The following NEGR1 variants were observed in gnomAD, a reference collection of about 807,000 sequenced individuals.
NEGR1 encodes IgLON family member 4.
Under a neutral mutation model 40.9 loss-of-function variants are expected in NEGR1, and 10 were observed. That is an observed-to-expected ratio of 0.24 (90% CI 0.15 to 0.42). The LOEUF is 0.42. Ranked by LOEUF, NEGR1 falls within the 10% of genes least tolerant of loss-of-function variation. NEGR1 has a pLI of 1.00. For missense variants in NEGR1, 352 were observed against 438.9 expected, an observed-to-expected ratio of 0.80 and a Z score of 1.77; for synonymous variants, 185 against 166.8, an observed-to-expected ratio of 1.11 and a Z score of -0.84.
intron 2 of NEGR1, among the ~76,000 whole-genome samples, chr1:71,845,006 A>G (rs942576011): frequency 1.3e-5 from 2 of 152,220 alleles, no homozygotes; most frequent in Admixed American, 1.3e-4. Context: ...ATGTTTTCTT[A>G]GTATGAGTTA....
chr1:72,216,385 AT>A (rs1653813505), intron 1 of NEGR1, among the ~76,000 whole-genome samples: 2 of 32,654 alleles, frequency 6.1e-5, no homozygotes, highest in African/African-American at 4.9e-4. Flanking sequence ...ATATATATAC[AT>A]ATATATATAT....
At chr1:71,651,885 C>A (rs1651729905) in intron 4 of NEGR1, among the ~76,000 whole-genome samples, 1 of 151,624 alleles carries the variant, frequency 6.6e-6, no homozygotes, top group African/African-American at 2.4e-5. Flanking sequence ...TTTGTTTCAA[C>A]TTTCCATACT....
At chr1:71,839,091 T>C (rs1337670694) in intron 2 of NEGR1, among the ~76,000 whole-genome samples, 1 of 150,140 alleles carries the variant, frequency 6.7e-6, no homozygotes, top group Non-Finnish European at 1.5e-5. Context: ...AAAACTTCTA[T>C]GATCATCAGA....
At chr1:72,016,485 A>G (rs1052309318) in intron 1 of NEGR1, among the ~76,000 whole-genome samples, 1 of 152,176 alleles carries the variant, frequency 6.6e-6, no homozygotes, top group African/African-American at 2.4e-5. Context: ...AAAGGACCAG[A>G]CAACCACCCA....
At chr1:72,022,148 T>A (rs2100422110) in intron 1 of NEGR1, among the ~76,000 whole-genome samples, 1 of 150,638 alleles carries the variant, frequency 6.6e-6, no homozygotes, top group South Asian at 2.1e-4. Flanking sequence ...AAAATAAAAA[T>A]AAAAAAGAAT....
chr1:71,656,169 C>CTGTT (rs954213660), intron 4 of NEGR1, among the ~76,000 whole-genome samples: 12 of 152,076 alleles, frequency 7.9e-5, no homozygotes, highest in African/African-American at 2.9e-4. Flanking sequence ...CCAATCTGCA[C>CTGTT]TGTTAGTTTT....
intron 6 of NEGR1, among the ~76,000 whole-genome samples, chr1:71,502,745 A>G (rs1647007382): frequency 6.6e-6 from 1 of 152,180 alleles, no homozygotes; most frequent in Non-Finnish European, 1.5e-5. Context: ...CTCGTGCATG[A>G]GCTGAAGTAA....
intron 6 of NEGR1, among the ~76,000 whole-genome samples, chr1:71,586,324 T>G (rs373839523): frequency 3.0e-4 from 45 of 152,314 alleles, no homozygotes; most frequent in African/African-American, 1.0e-3. Flanking sequence ...TGGAACTGTA[T>G]GACACCTTGA....
At chr1:72,275,378 G>C (rs1390014624) in intron 1 of NEGR1, among the ~76,000 whole-genome samples, 1 of 151,784 alleles carries the variant, frequency 6.6e-6, no homozygotes, top group Non-Finnish European at 1.5e-5. Context: ...GTTTCTACTG[G>C]TTAATCTGAA....
chr1:71,997,303 C>T (rs1028638043), intron 1 of NEGR1, among the ~76,000 whole-genome samples: 1 of 151,906 alleles, frequency 6.6e-6, no homozygotes, highest in African/African-American at 2.4e-5. Flanking sequence ...GTTTAAATTC[C>T]ACTACTATCT....
chr1:72,165,596 A>G (rs1043758033), intron 1 of NEGR1, among the ~76,000 whole-genome samples: 1 of 152,006 alleles, frequency 6.6e-6, no homozygotes, highest in Non-Finnish European at 1.5e-5. Context: ...TTCCATTGCC[A>G]TACTCTTTCC....
chr1:71,843,383 A>T (rs187794449), intron 2 of NEGR1, among the ~76,000 whole-genome samples: 2 of 152,292 alleles, frequency 1.3e-5, no homozygotes, highest in East Asian at 3.9e-4. Flanking sequence ...AAATAAGTCC[A>T]TTTCCCATTA....
chr1:71,858,886 T>C (rs1659860865), intron 2 of NEGR1, among the ~76,000 whole-genome samples: 1 of 152,042 alleles, frequency 6.6e-6, no homozygotes, highest in African/African-American at 2.4e-5. Flanking sequence ...AAATTGTACC[T>C]AAATATAGCA....
At position 71,855,139 on chromosome 1, in the gene NEGR1, A is replaced by T. The variant is rs193167643; in HGVS notation, c.410-78842T>A. On this transcript the variant is annotated intron_variant, in intron 2 of 6. Transcript: ENST00000357731. ...GTTTAGGCATGTAGAAGTTCTATAAATCACTTTCATTGCCCAAAGTCCTTC... is the reference window on the plus strand; with the variant it reads ...GTTTAGGCATGTAGAAGTTCTATAATTCACTTTCATTGCCCAAAGTCCTTC... Among the ~76,000 whole-genome samples, 132 of 152,166 alleles carry T rather than the reference A, an allele frequency of 8.7e-4. No individual in the cohort carries two copies. In the Middle Eastern group the frequency reaches 0.01, roughly 12 times the overall value.
chr1:71,945,186 C>G (rs1213596925), intron 1 of NEGR1, among the ~76,000 whole-genome samples: 7 of 151,968 alleles, frequency 4.6e-5, no homozygotes, highest in African/African-American at 1.7e-4. Flanking sequence ...GAACCTGGGC[C>G]AAGTTAATTT....
chr1:71,592,243 GAAGT>G (rs1199672192), intron 6 of NEGR1, among the ~76,000 whole-genome samples: 2 of 151,962 alleles, frequency 1.3e-5, no homozygotes, highest in African/African-American at 4.8e-5. Flanking sequence ...TAGTCCTTAG[GAAGT>G]AAGATACATT....
At chr1:72,166,873 T>C (rs991621803) in intron 1 of NEGR1, among the ~76,000 whole-genome samples, 10 of 152,102 alleles carry the variant, frequency 6.6e-5, no homozygotes, top group African/African-American at 2.4e-4. Flanking sequence ...TGTATATATA[T>C]ATACACAATT....
At chr1:71,694,551 A>G (rs1053208730) in intron 4 of NEGR1, among the ~76,000 whole-genome samples, 37 of 151,886 alleles carry the variant, frequency 2.4e-4, no homozygotes, top group African/African-American at 7.7e-4. Context: ...TCAATTATAT[A>G]GTCAATTATA....
At chr1:71,563,623 C>G (rs1648529174) in intron 6 of NEGR1, among the ~76,000 whole-genome samples, 1 of 151,760 alleles carries the variant, frequency 6.6e-6, no homozygotes, top group Non-Finnish European at 1.5e-5. Context: ...AAGACATGAG[C>G]CTGCAGATAT....
Sources: gnomAD v4.1 joint callset for allele counts (sites outside exome capture counted in the v4.1 genomes callset) on GRCh38, gnomAD v4.1.1 for gene constraint, MANE v1.5 for transcripts, NCBI Gene and HGNC (gene_info 2026-07-23, HGNC 2026-07-21) for gene names.